Variants in LNX1 observed in about 807,000 individuals in gnomAD.
The protein encoded by LNX1 is E3 ubiquitin-protein ligase LNX.
A neutral mutation model predicts 68.4 loss-of-function variants in LNX1; 54 were observed. That is an observed-to-expected ratio of 0.79 (90% CI 0.63 to 0.99). The LOEUF is 0.99. Among genes scored for constraint, LNX1 ranks in the 50% least tolerant of loss-of-function variants. LNX1 has a pLI of 0.00. For missense variants in LNX1, 906 were observed against 926.4 expected, an observed-to-expected ratio of 0.98 and a Z score of 0.29; for synonymous variants, 336 against 350.0, an observed-to-expected ratio of 0.96 and a Z score of 0.45.
intron 1 of LNX1, among the ~76,000 whole-genome samples, chr4:53,588,897 A>T (rs1009825947): frequency 2.0e-5 from 3 of 152,162 alleles, no homozygotes; most frequent in African/African-American, 7.2e-5. Flanking sequence ...GCAATGACTC[A>T]AGGTCACCCA....
At chr4:53,500,751 C>T (rs62323597) in intron 4 of LNX1, among the ~76,000 whole-genome samples, 7 of 152,086 alleles carry the variant, frequency 4.6e-5, no homozygotes, top group South Asian at 4.1e-4. Flanking sequence ...TAACAGTACT[C>T]GGGTGATTGA....
intron 2 of LNX1, among the ~76,000 whole-genome samples, chr4:53,540,275 C>T (rs1003746812): frequency 6.6e-6 from 1 of 152,104 alleles, no homozygotes; most frequent in South Asian, 2.1e-4. Flanking sequence ...CCCAGCCACT[C>T]GGGGGGCTTA....
intron 2 of LNX1, among the ~76,000 whole-genome samples, chr4:53,514,615 A>T (rs1165326831): frequency 6.6e-6 from 1 of 151,822 alleles, no homozygotes; most frequent in Non-Finnish European, 1.5e-5. Context: ...CTCCCACAAC[A>T]TGTGGGAATT....
intron 2 of LNX1, among the ~76,000 whole-genome samples, chr4:53,544,197 T>G (rs1159279725): frequency 2.6e-5 from 4 of 151,184 alleles, no homozygotes; most frequent in Non-Finnish European, 5.9e-5. Flanking sequence ...TTTCTCTCTC[T>G]CTCTCTCTTT....
upstream of LNX1, among the ~76,000 whole-genome samples, chr4:53,619,556 T>C (rs1195279872): frequency 1.3e-5 from 2 of 152,204 alleles, no homozygotes; most frequent in Admixed American, 6.5e-5. Flanking sequence ...TTCCTTTTTA[T>C]GGTTGAGTGA....
At chr4:53,471,406 A>G (rs1222727468) in intron 9 of LNX1, among the ~76,000 whole-genome samples, 2 of 152,168 alleles carry the variant, frequency 1.3e-5, no homozygotes, top group Non-Finnish European at 2.9e-5. Flanking sequence ...AAACCTAGGC[A>G]TTACCATTCA....
intron 2 of LNX1, among the ~76,000 whole-genome samples, chr4:53,545,631 C>G (rs1446389718): frequency 6.6e-6 from 1 of 152,050 alleles, no homozygotes; most frequent in African/African-American, 2.4e-5. Flanking sequence ...TTAAAATGTT[C>G]CAGGCATCTA....
At chr4:53,478,400 G>A in intron 8 of LNX1, among the ~76,000 whole-genome samples, 165 bp downstream of exon 8, 1 of 151,982 alleles carries the variant, frequency 6.6e-6, no homozygotes, top group East Asian at 1.9e-4. Flanking sequence ...AGTGGAACCT[G>A]GTCTAGTATC....
intron 9 of LNX1, among the ~76,000 whole-genome samples, chr4:53,463,429 C>T (rs1040307708): frequency 1.3e-5 from 2 of 151,950 alleles, no homozygotes; most frequent in African/African-American, 2.4e-5. Context: ...GCGAGAACTC[C>T]GTATGTTAAT....
intron 9 of LNX1, among the ~76,000 whole-genome samples, chr4:53,472,133 T>A (rs1179255245): frequency 6.6e-6 from 1 of 152,200 alleles, no homozygotes; most frequent in East Asian, 1.9e-4. Flanking sequence ...GTGGTACATA[T>A]ACACCATGGA....
At position 53,477,065 on chromosome 4, in the gene LNX1, C is replaced by G. The variant is rs971311991; in HGVS notation, c.1664-84G>C. The G allele has an allele frequency of 6.7e-6, 8 of 1,187,930 alleles. No homozygotes were observed. The African/African-American group carries it at 1.2e-4, about 18-fold the overall frequency. 73.6% of individuals were successfully genotyped at this position (1,187,930 alleles called of 1,614,324 possible). A position where few individuals can be genotyped will look rare whatever the true frequency, so the allele number is the denominator to read the frequency against. ...TAAAGTGCAAGGGGATAGGGGCTGA[C>G]TGGGATTGCAGGGATGCAGAGAGGG... On this transcript the variant is annotated intron_variant, in intron 8 of 10. Transcript: ENST00000263925.
At chr4:53,566,392 C>G (rs1242941758) in intron 2 of LNX1, among the ~76,000 whole-genome samples, 4 of 151,960 alleles carry the variant, frequency 2.6e-5, no homozygotes, top group African/African-American at 4.8e-5. Flanking sequence ...CATATCCAGC[C>G]AAACTAAGCT....
chr4:53,604,504 G>A (rs1733148593), intron 2 of LNX1, among the ~76,000 whole-genome samples: 1 of 152,190 alleles, frequency 6.6e-6, no homozygotes, highest in African/African-American at 2.4e-5. Flanking sequence ...GCAAGAGGAA[G>A]TAGCCCAGGA....
At chr4:53,580,714 A>G (rs1439980971) in intron 1 of LNX1, among the ~76,000 whole-genome samples, 5 of 152,226 alleles carry the variant, frequency 3.3e-5, no homozygotes, top group Non-Finnish European at 7.3e-5. Context: ...AGGTGGATTT[A>G]TATAAACAGA....
At chr4:53,648,188 C>G (rs946269243) in intron 1 of LNX1, among the ~76,000 whole-genome samples, 1 of 152,236 alleles carries the variant, frequency 6.6e-6, no homozygotes, top group African/African-American at 2.4e-5. Context: ...TACCATGTTA[C>G]ACAATAGCTG....
intron 6 of LNX1, 151 bp from the exon 7 acceptor site, chr4:53,482,005 T>C (rs2109420126): frequency 3.1e-6 from 3 of 982,094 alleles, no homozygotes; most frequent in South Asian, 3.8e-5. Context: ...ACTATCCATC[T>C]TGTAATTTGC....
intron 1 of LNX1, among the ~76,000 whole-genome samples, chr4:53,644,924 G>A (rs770345720): frequency 5.3e-5 from 8 of 152,168 alleles, no homozygotes; most frequent in African/African-American, 1.7e-4. Flanking sequence ...GTCAAAATGC[G>A]CTTCTCAGTT....
upstream of LNX1, among the ~76,000 whole-genome samples, chr4:53,593,679 T>TC (rs927823692): frequency 6.6e-6 from 1 of 152,192 alleles, no homozygotes; most frequent in African/African-American, 2.4e-5. Context: ...GGCTTTTTTT[T>TC]TGGGCCATTA....
chr4:53,591,579 C>T (rs554470490), upstream of LNX1: 20 of 985,376 alleles, frequency 2.0e-5, no homozygotes, highest in East Asian at 2.2e-3. Flanking sequence ...ACGGAAGCCC[C>T]GACAGATAAA....
Sources: gnomAD v4.1 joint callset for allele counts (sites outside exome capture counted in the v4.1 genomes callset) on GRCh38, gnomAD v4.1.1 for gene constraint, MANE v1.5 for transcripts, NCBI Gene and HGNC (gene_info 2026-07-23, HGNC 2026-07-21) for gene names.